The following CLNK variants were observed in gnomAD, a reference collection of about 807,000 sequenced individuals.
CLNK encodes cytokine dependent hematopoietic cell linker.
In CLNK, 74 loss-of-function variants were observed where a neutral mutation model predicts 68.6. The ratio of observed to expected loss-of-function variants is 1.08; its 90% CI spans 0.89 to 1.31. CLNK has a LOEUF of 1.31. Among genes scored for constraint, CLNK ranks in the 50% most tolerant of loss-of-function variants. CLNK has a pLI of 0.00. For synonymous variants in CLNK, 198 were observed against 172.2 expected, an observed-to-expected ratio of 1.15 and a Z score of -1.17; for missense variants, 553 against 515.3, an observed-to-expected ratio of 1.07 and a Z score of -0.71.
At chr4:10,516,838 AC>A (rs1211436331) in intron 15 of CLNK, among the ~76,000 whole-genome samples, 5 of 152,190 alleles carry the variant, frequency 3.3e-5, no homozygotes, top group Admixed American at 3.3e-4. Flanking sequence ...GGCGTGAGCC[AC>A]CACGCCTGGC....
the CLNK span, among the ~76,000 whole-genome samples, chr4:10,706,648 C>T: frequency 6.6e-6 from 1 of 152,114 alleles, no homozygotes; most frequent in Non-Finnish European, 1.5e-5. Flanking sequence ...CATTGAATCC[C>T]TCCCTCACAT....
chr4:10,679,706 G>A (rs1725016975), intron 1 of CLNK, among the ~76,000 whole-genome samples: 1 of 152,148 alleles, frequency 6.6e-6, no homozygotes, highest in African/African-American at 2.4e-5. Flanking sequence ...AGTGGGCAAA[G>A]GATATGAACA....
At chr4:10,591,731 G>C (rs777979782) in intron 3 of CLNK, among the ~76,000 whole-genome samples, 3 of 152,208 alleles carry the variant, frequency 2.0e-5, no homozygotes, top group Non-Finnish European at 4.4e-5. Flanking sequence ...CCTGGAATCG[G>C]TTGTACATTT....
intron 2 of CLNK, among the ~76,000 whole-genome samples, chr4:10,646,092 T>C (rs1723500486): frequency 6.6e-6 from 1 of 152,128 alleles, no homozygotes; most frequent in African/African-American, 2.4e-5. Flanking sequence ...ATGTTAACAA[T>C]GGTGGGTGAG....
chr4:10,504,853 G>T (rs1034071378), intron 17 of CLNK, among the ~76,000 whole-genome samples: 3 of 152,146 alleles, frequency 2.0e-5, no homozygotes, highest in Non-Finnish European at 4.4e-5. Flanking sequence ...GAGACAAACA[G>T]AAAAGGAAAA....
intron 8 of CLNK, among the ~76,000 whole-genome samples, chr4:10,548,281 T>A (rs994458547): frequency 6.6e-6 from 1 of 152,196 alleles, no homozygotes; most frequent in Admixed American, 6.5e-5. Context: ...CCTATATATG[T>A]GTTGGCTACC....
chr4:10,608,324 C>T (rs528379544), intron 2 of CLNK, among the ~76,000 whole-genome samples: 4 of 152,338 alleles, frequency 2.6e-5, no homozygotes, highest in East Asian at 1.9e-4. Context: ...GCAGTCTCCT[C>T]GGCCTGCTAG....
rs555875921 is a variant in CLNK, at chr4:10,543,042, G to T, written c.446-762C>A. On this transcript the variant is annotated intron_variant, in intron 8 of 18. Coordinates refer to ENST00000226951, the MANE Select transcript of CLNK (RefSeq NM_052964.4). ...ATACAATGCGATCCTTCCTGTCAAG[G>T]TGCTCCTAGCTGGGGTGTTCACAGG... Among the ~76,000 whole-genome samples, 4 of 152,234 alleles carry T rather than the reference G, an allele frequency of 2.6e-5. No individual in the cohort carries two copies. The South Asian group carries it at 8.3e-4, about 32-fold the overall frequency.
rs1302800711 is a variant in CLNK, at chr4:10,487,541, C to T, written c.*2926G>A. ...GGCCAGAGGTGGGTCTCTTGAGTCT[C>T]CATTGAAATAACTTGCTGGCCAGCA... On this transcript the variant is annotated 3_prime_UTR_variant, in exon 19 of 19. Coordinates refer to ENST00000226951, the MANE Select transcript of CLNK (RefSeq NM_052964.4). 6.6e-6 allele frequency: 1 copy of T among 152,130 alleles called. No individual in the cohort carries two copies. Among genetic ancestry groups the T allele is most frequent in the Admixed American group, 6.5e-5 (1 of 15,268 alleles). 9.4% of individuals were successfully genotyped at this position (152,130 alleles called of 1,614,324 possible).
intron 16 of CLNK, among the ~76,000 whole-genome samples, chr4:10,509,400 C>G (rs918241508): frequency 4.6e-5 from 7 of 152,148 alleles, no homozygotes; most frequent in African/African-American, 1.7e-4. Flanking sequence ...TGCTTGTACT[C>G]TGGACACACA....
At chr4:10,669,910 G>A (rs1438451731) in intron 1 of CLNK, among the ~76,000 whole-genome samples, 2 of 152,134 alleles carry the variant, frequency 1.3e-5, no homozygotes, top group Non-Finnish European at 2.9e-5. Context: ...CATGGCAGTG[G>A]GGAAGGGGAC....
Position 10,578,954 on chromosome 4 carries a change from A to T in CLNK, c.112+5973T>A, listed in dbSNP as rs1288158738. ...ATAAGTTTATAAAGTGCCAGGCACA[A>T]ACTGGTGACTCCATGTATGTGAATG... On this transcript the variant is annotated intron_variant, in intron 4 of 18. Transcript: ENST00000226951. 3.9e-5 allele frequency among the ~76,000 whole-genome samples: 6 copies of T among 152,336 alleles called. No individual in the cohort carries two copies. In the East Asian group the frequency reaches 9.6e-4, roughly 24 times the overall value.
At chr4:10,604,663 A>G (rs1391495456) in intron 2 of CLNK, among the ~76,000 whole-genome samples, 1 of 151,210 alleles carries the variant, frequency 6.6e-6, no homozygotes, top group Non-Finnish European at 1.5e-5. Context: ...TTCATTCCCT[A>G]TTATCTCACA....
the CLNK span, among the ~76,000 whole-genome samples, chr4:10,704,334 T>A: frequency 5.3e-5 from 8 of 152,334 alleles, no homozygotes; most frequent in East Asian, 9.6e-4. Context: ...TGTTCTTATG[T>A]TGTCATTGGG....
chr4:10,502,039 C>T (rs1717078166), intron 17 of CLNK, among the ~76,000 whole-genome samples: 1 of 152,226 alleles, frequency 6.6e-6, no homozygotes, highest in Admixed American at 6.5e-5. Flanking sequence ...TCTCTCATTG[C>T]TCCTGCAGCT....
At chr4:10,636,090 A>G (rs1489712291) in intron 2 of CLNK, among the ~76,000 whole-genome samples, 5 of 152,228 alleles carry the variant, frequency 3.3e-5, no homozygotes, top group African/African-American at 1.2e-4. Flanking sequence ...GGGGCTGGGT[A>G]GACTTACAAA....
At chr4:10,530,667 A>T (rs1718498969) in intron 12 of CLNK, among the ~76,000 whole-genome samples, 1 of 152,132 alleles carries the variant, frequency 6.6e-6, no homozygotes, top group Non-Finnish European at 1.5e-5. Context: ...TGGAGGGCCT[A>T]CTGTCCTCTC....
the CLNK span, among the ~76,000 whole-genome samples, chr4:10,727,606 G>A: frequency 1.3e-5 from 2 of 152,204 alleles, no homozygotes; most frequent in Non-Finnish European, 2.9e-5. Context: ...GGCCTGCAGT[G>A]CCATTCCTGG....
the CLNK span, among the ~76,000 whole-genome samples, chr4:10,726,224 C>T: frequency 2.1e-4 from 32 of 152,252 alleles, no homozygotes; most frequent in Non-Finnish European, 2.8e-4. Context: ...CGGGTTCAAG[C>T]GATTCTCCTG....
Sources: allele counts gnomAD v4.1 joint callset (sites outside exome capture counted in the v4.1 genomes callset), GRCh38; gene constraint gnomAD v4.1.1; transcripts MANE v1.5; gene names NCBI Gene and HGNC (gene_info 2026-07-23, HGNC 2026-07-21).